The following STARD13 variants were observed in gnomAD, a reference collection of about 807,000 sequenced individuals.
STARD13 encodes StAR related lipid transfer domain containing 13.
Under a neutral mutation model 106.4 loss-of-function variants are expected in STARD13, and 62 were observed. The ratio of observed to expected loss-of-function variants is 0.58; its 90% CI spans 0.48 to 0.72. STARD13 has a LOEUF of 0.72. Ranked by LOEUF, STARD13 falls within the 30% of genes least tolerant of loss-of-function variation. STARD13 has a pLI of 0.00. For missense variants in STARD13, 1,387 were observed against 1,424.0 expected, an observed-to-expected ratio of 0.97 and a Z score of 0.42; for synonymous variants, 565 against 553.0, an observed-to-expected ratio of 1.02 and a Z score of -0.31.
chr13:33,186,787 A>C (rs909557282), intron 1 of STARD13, among the ~76,000 whole-genome samples: 3 of 152,152 alleles, frequency 2.0e-5, no homozygotes, highest in South Asian at 2.1e-4. Context: ...AACAAAAAAA[A>C]CCCTTGTTTA....
At chr13:33,425,771 A>G in the STARD13 span, among the ~76,000 whole-genome samples, 1 of 152,224 alleles carries the variant, frequency 6.6e-6, no homozygotes, top group African/African-American at 2.4e-5. Flanking sequence ...TGACACTACC[A>G]TGTAAATGGT....
At chr13:33,421,640 A>G in the STARD13 span, among the ~76,000 whole-genome samples, 2 of 152,172 alleles carry the variant, frequency 1.3e-5, no homozygotes, top group African/African-American at 4.8e-5. Context: ...GAGACACAAC[A>G]ATAAAAGAGA....
chr13:33,528,233 T>TATATATATATACATATATATATATAC, the STARD13 span, among the ~76,000 whole-genome samples: 2 of 131,970 alleles, frequency 1.5e-5, no homozygotes, highest in African/African-American at 6.9e-5. Flanking sequence ...TGTGTATATA[T>TATATATATATACATATATATATATAC]ATATATATAC....
chr13:33,218,367 A>G (rs563056298), intron 1 of STARD13, among the ~76,000 whole-genome samples: 1 of 152,294 alleles, frequency 6.6e-6, no homozygotes, highest in South Asian at 2.1e-4. Context: ...AAAATGGTAC[A>G]TAAATTGCAT....
the STARD13 span, among the ~76,000 whole-genome samples, chr13:33,478,275 T>C: frequency 0.22 from 33,386 of 151,992 alleles, 6,783 homozygotes; most frequent in African/African-American, 0.54. Flanking sequence ...CTAGCCCAAA[T>C]CCTTGGTGTT....
At chr13:33,228,509 G>T (rs1888736922) in intron 1 of STARD13, among the ~76,000 whole-genome samples, 1 of 151,992 alleles carries the variant, frequency 6.6e-6, no homozygotes, top group African/African-American at 2.4e-5. Flanking sequence ...CTTAGTGAAA[G>T]AAACTCAGTT....
the STARD13 span, among the ~76,000 whole-genome samples, chr13:33,499,519 T>TTCTTC: frequency 1.1e-5 from 1 of 91,888 alleles, no homozygotes; most frequent in African/African-American, 4.0e-5. Context: ...TTCTTCTTTC[T>TTCTTC]TTCTTCTTCT....
intron 3 of STARD13, among the ~76,000 whole-genome samples, chr13:33,153,279 G>A (rs1482759311): frequency 2.0e-5 from 3 of 152,176 alleles, no homozygotes; most frequent in Non-Finnish European, 4.4e-5. Context: ...CTTGGAAATT[G>A]GTAGAAAGTC....
chr13:33,358,230 G>T, the STARD13 span, among the ~76,000 whole-genome samples: 1 of 152,198 alleles, frequency 6.6e-6, no homozygotes, highest in African/African-American at 2.4e-5. Flanking sequence ...GGCAGGGCTC[G>T]GGACATGCAG....
chr13:33,623,059 A>AT, the STARD13 span, among the ~76,000 whole-genome samples: 6 of 152,150 alleles, frequency 3.9e-5, no homozygotes, highest in East Asian at 1.9e-4. Context: ...AGATTGTGCC[A>AT]TGCACTCCAG....
At chr13:33,298,262 T>A (rs1274663545) in intron 1 of STARD13, among the ~76,000 whole-genome samples, 1 of 151,506 alleles carries the variant, frequency 6.6e-6, no homozygotes, top group Non-Finnish European at 1.5e-5. Context: ...CCCAAGTAGC[T>A]GGGACTACAG....
the STARD13 span, among the ~76,000 whole-genome samples, chr13:33,649,459 A>G: frequency 6.6e-6 from 1 of 152,140 alleles, no homozygotes; most frequent in Admixed American, 6.5e-5. Flanking sequence ...TTCATTAGAG[A>G]TACTTAATAT....
the STARD13 span, among the ~76,000 whole-genome samples, chr13:33,511,944 T>C: frequency 6.6e-6 from 1 of 152,150 alleles, no homozygotes; most frequent in African/African-American, 2.4e-5. Context: ...ACAGCTCTTA[T>C]AGAAAAAAAA....
intron 1 of STARD13, among the ~76,000 whole-genome samples, chr13:33,170,701 C>T (rs1883859037): frequency 6.6e-6 from 1 of 152,164 alleles, no homozygotes; most frequent in Non-Finnish European, 1.5e-5. Context: ...CTATACCCAA[C>T]TTGCCATTCT....
the STARD13 span, among the ~76,000 whole-genome samples, chr13:33,640,477 C>A: frequency 3.9e-5 from 6 of 152,312 alleles, no homozygotes; most frequent in Non-Finnish European, 7.4e-5. Flanking sequence ...GCCTGGAGTT[C>A]CATTCAGTGA....
At chr13:33,643,159 GCA>G in the STARD13 span, among the ~76,000 whole-genome samples, 3,363 of 139,598 alleles carry the variant, frequency 0.024, 56 homozygotes, top group East Asian at 0.058. Flanking sequence ...CATAGAACAT[GCA>G]CACACACACA....
chr13:33,338,967 G>A (rs1176256496), intron 1 of STARD13, among the ~76,000 whole-genome samples: 6 of 151,984 alleles, frequency 3.9e-5, no homozygotes, highest in Admixed American at 3.9e-4. Flanking sequence ...GTGGTTTCGG[G>A]TGGGGGTTAA....
the STARD13 span, among the ~76,000 whole-genome samples, chr13:33,389,360 G>A: frequency 6.6e-6 from 1 of 152,094 alleles, no homozygotes; most frequent in East Asian, 1.9e-4. Flanking sequence ...TTTGAGGAGG[G>A]AAAGGGTCCT....
At chr13:33,506,688 T>C in the STARD13 span, among the ~76,000 whole-genome samples, 16 of 152,202 alleles carry the variant, frequency 1.1e-4, no homozygotes, top group South Asian at 2.1e-4. Context: ...ATTTGACCAA[T>C]GGATTTTAAT....
Sources: allele counts gnomAD v4.1 joint callset (sites outside exome capture counted in the v4.1 genomes callset), GRCh38; gene constraint gnomAD v4.1.1; transcripts MANE v1.5; gene names NCBI Gene and HGNC (gene_info 2026-07-23, HGNC 2026-07-21).